The following TIAM1 variants were observed in gnomAD, a reference collection of about 807,000 sequenced individuals.
TIAM1 encodes the protein rho guanine nucleotide exchange factor TIAM1.
Under a neutral mutation model 163.5 loss-of-function variants are expected in TIAM1, and 65 were observed. The ratio of observed to expected loss-of-function variants is 0.40; its 90% CI spans 0.33 to 0.49. The LOEUF is 0.49. Ranked by LOEUF, TIAM1 falls within the 20% of genes least tolerant of loss-of-function variation. The pLI, the probability that TIAM1 is intolerant of heterozygous loss-of-function variation, is 0.77. For synonymous variants in TIAM1, 833 were observed against 810.1 expected (o/e 1.03, Z -0.48); for missense variants, 1,789 against 2,044.7 (o/e 0.87, Z 2.41).
At chr21:31,274,346 A>C (rs2073196521) in intron 3 of TIAM1, among the ~76,000 whole-genome samples, 1 of 152,236 alleles carries the variant, frequency 6.6e-6, no homozygotes, top group Admixed American at 6.5e-5. Flanking sequence ...ATTCCAGTTA[A>C]TAGAAAGCCA....
chr21:31,359,849 GAA>G (rs879856058), intron 2 of TIAM1, among the ~76,000 whole-genome samples: 7,208 of 134,548 alleles, frequency 0.054, 338 homozygotes, highest in South Asian at 0.15. Flanking sequence ...AGGAAGGAAG[GAA>G]GGAAGGAAGG....
rs138638234 is a variant in TIAM1, at chr21:31,327,457, T to A, written c.-189+11786A>T. On this transcript the variant is annotated intron_variant, in intron 2 of 27. Coordinates refer to ENST00000541036, the MANE Select transcript of TIAM1 (RefSeq NM_001353694.2). The stretch of plus-strand genomic sequence containing the variant: ...GAGTTCGAGACCAATCTGGCCAACA[T>A]AGCAAAACCCATCTCTACTAAAAAT... Among the ~76,000 whole-genome samples the A allele has an allele frequency of 2.0e-5, 3 of 151,826 alleles. No homozygotes were observed. In the South Asian group the frequency reaches 6.3e-4, roughly 32 times the overall value.
rs67690846 is a variant in TIAM1, at chr21:31,146,817, C to A, written c.3475+78G>T. Reference sequence around the variant, plus strand: ...GCAACCAATGACTCTTAGATTTCTGCCCAAAAGCCCCCAACCACTGTCAGC... The same window carrying A: ...GCAACCAATGACTCTTAGATTTCTGACCAAAAGCCCCCAACCACTGTCAGC... On this transcript the variant is annotated intron_variant, in intron 20 of 27. Transcript: ENST00000541036. 115,663 of 1,169,372 alleles carry A rather than the reference C, an allele frequency of 0.099. 6,476 individuals carry two copies. The highest frequency in any genetic ancestry group is 0.2 in the African/African-American group (13,121 of 65,658). The allele number at this position is 1,169,372 out of a possible 1,614,324, so 72.4% of individuals were successfully genotyped here.
intron 1 of TIAM1, among the ~76,000 whole-genome samples, chr21:31,478,031 G>T (rs189258601): frequency 2.6e-5 from 4 of 152,338 alleles, no homozygotes. Context: ...ATGCGCACAG[G>T]TGATTAACCT....
chr21:31,454,602 A>C (rs1193150151), intron 2 of TIAM1, among the ~76,000 whole-genome samples: 1 of 152,188 alleles, frequency 6.6e-6, no homozygotes, highest in Non-Finnish European at 1.5e-5. Context: ...TGTCCAAGCC[A>C]AGCATGACAA....
chr21:31,506,261 TACACACAC>T (rs112908703), intron 1 of TIAM1, among the ~76,000 whole-genome samples: 4 of 148,502 alleles, frequency 2.7e-5, no homozygotes, highest in Admixed American at 2.0e-4. Flanking sequence ...CTCACACACG[TACACACAC>T]ACACACACAC....
chr21:31,124,170 T>C, intron 27 of TIAM1: 1 of 205,178 alleles, frequency 4.9e-6, no homozygotes. Flanking sequence ...CTGGCTGTCA[T>C]GCAAAGCAGC....
intron 4 of TIAM1, among the ~76,000 whole-genome samples, chr21:31,256,982 A>G (rs2072149259): frequency 2.0e-5 from 3 of 152,170 alleles, no homozygotes; most frequent in South Asian, 4.1e-4. Flanking sequence ...CTGCACCAAC[A>G]TGGAAGAAAG....
intron 1 of TIAM1, among the ~76,000 whole-genome samples, chr21:31,551,335 G>A (rs2048679161): frequency 6.6e-6 from 1 of 152,056 alleles, no homozygotes; most frequent in Admixed American, 6.6e-5. Context: ...TTGAACCTGG[G>A]AGGTGGAGAG....
At chr21:31,477,617 G>T (rs544966200) in intron 1 of TIAM1, among the ~76,000 whole-genome samples, 5 of 151,902 alleles carry the variant, frequency 3.3e-5, no homozygotes, top group Non-Finnish European at 5.9e-5. Context: ...TAGGAGTATA[G>T]GTGCACGCCA....
At chr21:31,477,601 A>G (rs1332435992) in intron 1 of TIAM1, among the ~76,000 whole-genome samples, 1 of 151,560 alleles carries the variant, frequency 6.6e-6, no homozygotes, top group Admixed American at 6.6e-5. Context: ...CAGCCTCCCA[A>G]GTAGCTAGGA....
intron 5 of TIAM1, among the ~76,000 whole-genome samples, chr21:31,249,607 G>A (rs1286666340): frequency 6.6e-6 from 1 of 152,168 alleles, no homozygotes; most frequent in African/African-American, 2.4e-5. Context: ...AGAGGCTGCA[G>A]CGTCCAGAGG....
intron 2 of TIAM1, among the ~76,000 whole-genome samples, chr21:31,277,537 C>G (rs538994313): frequency 6.6e-6 from 1 of 152,168 alleles, no homozygotes; most frequent in Non-Finnish European, 1.5e-5. Flanking sequence ...CCCAGATACT[C>G]AGGAGGCTGT....
intron 2 of TIAM1, among the ~76,000 whole-genome samples, chr21:31,310,218 C>T (rs995222040): frequency 3.9e-5 from 6 of 152,192 alleles, no homozygotes; most frequent in African/African-American, 7.2e-5. Context: ...GCCCCAGTCA[C>T]GTCCCTGGAA....
In TIAM1 at chr21:31,228,207, G is replaced by A. The variant is rs1222173084; in HGVS notation, c.1585-2257C>T. Among the ~76,000 whole-genome samples, 11 of 27,540 alleles carry A rather than the reference G, an allele frequency of 4.0e-4. No homozygotes were observed. In the East Asian group the frequency reaches 4.3e-3, roughly 11 times the overall value. The allele number at this position is 27,540 out of a possible 152,430, so 18.1% of individuals were successfully genotyped here. On this transcript the variant is annotated intron_variant, in intron 6 of 27. Coordinates refer to ENST00000541036, the MANE Select transcript of TIAM1 (RefSeq NM_001353694.2). The stretch of plus-strand genomic sequence containing the variant: ...ATTACAGGTGTGAGCCACCATGCCC[G>A]GCCTCCTTTTTTTAAAAAAAAAAAA...
At chr21:31,305,964 C>G (rs1403607951) in intron 2 of TIAM1, among the ~76,000 whole-genome samples, 1 of 152,152 alleles carries the variant, frequency 6.6e-6, no homozygotes, top group Admixed American at 6.5e-5. Flanking sequence ...GGAGGAACCG[C>G]CAGTGTCCTC....
intron 1 of TIAM1, among the ~76,000 whole-genome samples, chr21:31,553,939 G>A (rs953801154): frequency 8.6e-5 from 13 of 151,996 alleles, no homozygotes; most frequent in African/African-American, 2.9e-4. Context: ...CCCAGATGAC[G>A]CGGTGGCTTT....
chr21:31,540,370 A>G (rs2048281999), intron 1 of TIAM1, among the ~76,000 whole-genome samples: 1 of 150,314 alleles, frequency 6.7e-6, no homozygotes, highest in Non-Finnish European at 1.5e-5. Flanking sequence ...AGGCAAAAAG[A>G]GCAATACTCC....
intron 2 of TIAM1, among the ~76,000 whole-genome samples, chr21:31,427,221 T>C (rs1357462042): frequency 2.0e-5 from 3 of 152,220 alleles, no homozygotes; most frequent in Non-Finnish European, 4.4e-5. Context: ...GCACAGTGGC[T>C]CACACCTGTA....
Sources: gnomAD v4.1 joint callset for allele counts (sites outside exome capture counted in the v4.1 genomes callset) on GRCh38, gnomAD v4.1.1 for gene constraint, MANE v1.5 for transcripts, NCBI Gene and HGNC (gene_info 2026-07-23, HGNC 2026-07-21) for gene names.